CLCN5: variants seen among roughly 807,000 people sequenced by gnomAD.
The protein encoded by CLCN5 is H(+)/Cl(-) exchange transporter 5.
Under a neutral mutation model 54.0 loss-of-function variants are expected in CLCN5, and 17 were observed. The ratio of observed to expected loss-of-function variants is 0.31; its 90% CI spans 0.22 to 0.47. The LOEUF (loss-of-function observed/expected upper bound fraction) is 0.47. Among genes scored for constraint, CLCN5 ranks in the 20% least tolerant of loss-of-function variants. The pLI is 1.00. For synonymous variants in CLCN5, 222 were observed against 233.0 expected (o/e 0.95, Z 0.43); for missense variants, 448 against 646.7 (o/e 0.69, Z 3.33).
chrX:50,016,499 G>A (rs1930796094), intron 3 of CLCN5, among the ~76,000 whole-genome samples: 1 of 108,556 alleles, frequency 9.2e-6, no homozygotes, highest in South Asian at 4.0e-4. Context: ...AAAATTGATG[G>A]GCTAATGTTG....
intron 4 of CLCN5, chrX:50,068,125 C>T (rs1933100733): frequency 9.0e-6 from 1 of 111,719 alleles, no homozygotes; most frequent in Non-Finnish European, 1.9e-5. Context: ...AACTCTTAAA[C>T]CAGAGCAAAT....
At position 49,991,011 on chromosome X, in the gene CLCN5, A is replaced by G. The variant is rs1210776648; in HGVS notation, c.17-51305A>G. 8.0e-5 allele frequency among the ~76,000 whole-genome samples: 9 copies of G among 112,601 alleles called. No homozygotes were observed. In the East Asian group the frequency reaches 2.2e-3, roughly 28 times the overall value. On this transcript the variant is annotated intron_variant, in intron 3 of 14. Coordinates refer to ENST00000376091, the MANE Select transcript of CLCN5 (RefSeq NM_001127898.4). The stretch of plus-strand genomic sequence containing the variant: ...TTTTGCAATTGCAAATTGTACTGCT[A>G]TAACATGCGTGTGCAAGTGTCTTTT...
chrX:50,033,211 A>G (rs1325678874), intron 3 of CLCN5, among the ~76,000 whole-genome samples: 3 of 111,157 alleles, frequency 2.7e-5, no homozygotes, highest in African/African-American at 9.8e-5. Flanking sequence ...TCAATTAGGA[A>G]AAGAGGAAGT....
rs782283359 is a variant in CLCN5 at position 50,059,387 on chromosome X, G to T, written c.164-10492G>T. The stretch of plus-strand genomic sequence containing the variant: ...AAGTTTTCAAAATATTGCTGTAGGG[G>T]CCACTGGCATTGTAAAAATTGGGAA... On this transcript the variant is annotated intron_variant, in intron 4 of 14. Transcript: ENST00000376091. Among the ~76,000 whole-genome samples the T allele has an allele frequency of 6.2e-5, 7 of 112,042 alleles. No individual in the cohort carries two copies. The South Asian group carries it at 2.6e-3, about 42-fold the overall frequency.
intron 4 of CLCN5, among the ~76,000 whole-genome samples, chrX:50,066,886 A>G (rs782638686): frequency 1.5e-4 from 17 of 110,908 alleles, no homozygotes; most frequent in African/African-American, 5.7e-4. Flanking sequence ...TATGAAGTTT[A>G]GTTTTTCACG....
intron 4 of CLCN5, among the ~76,000 whole-genome samples, chrX:50,064,939 G>T (rs1932943971): frequency 1.8e-5 from 2 of 110,720 alleles, no homozygotes; most frequent in East Asian, 5.6e-4. Flanking sequence ...AAATGGTGCT[G>T]GGAAAACTGG....
chrX:49,964,742 TA>T (rs782263393), intron 3 of CLCN5, among the ~76,000 whole-genome samples: 75 of 111,328 alleles, frequency 6.7e-4, no homozygotes, highest in African/African-American at 2.4e-3. Flanking sequence ...GAATTCTATT[TA>T]TTTTTTTTAT....
intron 3 of CLCN5, among the ~76,000 whole-genome samples, chrX:49,948,123 ACTGC>A (rs1276189951): frequency 9.5e-6 from 1 of 104,848 alleles, no homozygotes; most frequent in African/African-American, 3.5e-5. Flanking sequence ...CTTTATACTC[ACTGC>A]CTCAGAGATT....
chrX:50,064,855 C>T (rs1467662642), intron 4 of CLCN5, among the ~76,000 whole-genome samples: 1 of 105,823 alleles, frequency 9.4e-6, no homozygotes, highest in Non-Finnish European at 1.9e-5. Flanking sequence ...GAAATAACGC[C>T]GCTTACCTAC....
In CLCN5 at chrX:50,059,761, A is replaced by G. The variant is rs782196949; in HGVS notation, c.164-10118A>G. 7.3e-5 allele frequency among the ~76,000 whole-genome samples: 8 copies of G among 109,348 alleles called. No individual in the cohort carries two copies. The East Asian group carries it at 2.3e-3, about 31-fold the overall frequency. The allele number at this position is 109,348 out of a possible 115,157, so 95.0% of individuals were successfully genotyped here. A position where few individuals can be genotyped will look rare whatever the true frequency, so the allele number is the denominator to read the frequency against. On this transcript the variant is annotated intron_variant, in intron 4 of 14. Coordinates refer to ENST00000376091, the MANE Select transcript of CLCN5 (RefSeq NM_001127898.4). ...TAGTTCTCAAAGGAAGTAACTGTAC[A>G]TGGAATAAAAAAAAAAGTCCCTTCC... is the stretch of plus-strand genomic sequence containing the variant.
chrX:50,039,127 C>T (rs1932113812), intron 3 of CLCN5, among the ~76,000 whole-genome samples: 1 of 110,600 alleles, frequency 9.0e-6, no homozygotes, highest in Non-Finnish European at 1.9e-5. Context: ...AAAAACAAAA[C>T]AAACAAACAA....
rs1363319370 is a variant in CLCN5 at position 50,097,638 on chromosome X, C to T, written c.*5419C>T. On this transcript the variant is annotated 3_prime_UTR_variant, in exon 15 of 15. Transcript: ENST00000376091. ...GTCTCATTGTCTTTCTCTCCCCTCA[C>T]CATGCGCTGAATTCAGATTTCTCTT... 1 of 111,445 alleles carries T rather than the reference C, an allele frequency of 9.0e-6. No homozygotes were observed. Among genetic ancestry groups the T allele is most frequent in the Non-Finnish European group, 1.9e-5 (1 of 53,124 alleles). The allele number at this position is 111,445 out of a possible 1,213,427, so 9.2% of individuals were successfully genotyped here. A position where few individuals can be genotyped will look rare whatever the true frequency, so the allele number is the denominator to read the frequency against.
chrX:50,076,358 T>C (rs1933404488), intron 7 of CLCN5, among the ~76,000 whole-genome samples: 1 of 112,351 alleles, frequency 8.9e-6, no homozygotes, highest in African/African-American at 3.2e-5. Flanking sequence ...AATGTGTTTA[T>C]GTATATGGAT....
chrX:50,091,597 A>G (rs781799101), intron 14 of CLCN5, among the ~76,000 whole-genome samples: 1 of 112,250 alleles, frequency 8.9e-6, no homozygotes, highest in East Asian at 2.8e-4. Flanking sequence ...TCCCTGCTCC[A>G]TGTAAGAAGG....
chrX:49,935,054 G>A (rs1925869446), intron 3 of CLCN5, among the ~76,000 whole-genome samples: 2 of 111,801 alleles, frequency 1.8e-5, no homozygotes, highest in Admixed American at 1.9e-4. Context: ...TCTCAACTCT[G>A]TCAAGCTATT....
chrX:50,019,489 T>TTTTTTTTTTTTTTTTA (rs1930975324), intron 3 of CLCN5, among the ~76,000 whole-genome samples: 2 of 76,189 alleles, frequency 2.6e-5, no homozygotes, highest in African/African-American at 1.1e-4. Context: ...TTTTTTTTTT[T>TTTTTTTTTTTTTTTTA]ATTATACTCT....
chrX:50,067,667 T>G, intron 4 of CLCN5: 2 of 753,562 alleles, frequency 2.7e-6, no homozygotes, highest in Non-Finnish European at 3.1e-6. Context: ...GACTGGGGCT[T>G]CTTTTGTAAA....
rs1414100408 is a variant in CLCN5, at chrX:50,065,616, G to A, written c.164-4263G>A. On this transcript the variant is annotated intron_variant, in intron 4 of 14. Transcript: ENST00000376091. ...GAAGTCAGTGTGGCGATTCCTCAGG[G>A]ATCTAGAACTAGAAATACCATTTGA... Among the ~76,000 whole-genome samples the A allele has an allele frequency of 8.7e-5, 7 of 80,798 alleles. No homozygotes were observed. In the Middle Eastern group the frequency reaches 0.017, roughly 200 times the overall value. The allele number at this position is 80,798 out of a possible 115,157, so 70.2% of individuals were successfully genotyped here. A position where few individuals can be genotyped will look rare whatever the true frequency, so the allele number is the denominator to read the frequency against.
chrX:49,945,819 C>T (rs1457946538), intron 3 of CLCN5, among the ~76,000 whole-genome samples: 2 of 106,415 alleles, frequency 1.9e-5, no homozygotes, highest in African/African-American at 6.9e-5. Flanking sequence ...TGCAGTGGCA[C>T]GATCTCCACT....
Sources: allele counts gnomAD v4.1 joint callset (sites outside exome capture counted in the v4.1 genomes callset), GRCh38; gene constraint gnomAD v4.1.1; transcripts MANE v1.5; gene names NCBI Gene and HGNC (gene_info 2026-07-23, HGNC 2026-07-21).